Variants in AFF3 observed in about 807,000 individuals in gnomAD.
The protein encoded by AFF3 is AF4/FMR2 family member 3.
In AFF3, 32 loss-of-function variants were observed where a neutral mutation model predicts 129.7. That is an observed-to-expected ratio of 0.25 (90% confidence interval 0.19 to 0.33). The LOEUF (loss-of-function observed/expected upper bound fraction) is 0.33. AFF3 is among the 10% of genes least tolerant of loss of function. The probability of loss-of-function intolerance (pLI) is 1.00; values close to 1 mark genes in which losing one functional copy is unlikely to be tolerated. For missense variants in AFF3, 1,373 were observed against 1,592.0 expected, an observed-to-expected ratio of 0.86 and a Z score of 2.34; for synonymous variants, 644 against 635.4, an observed-to-expected ratio of 1.01 and a Z score of -0.20.
At chr2:99,896,192 C>T (rs1418599682) in intron 7 of AFF3, among the ~76,000 whole-genome samples, 2 of 149,810 alleles carry the variant, frequency 1.3e-5, no homozygotes, top group Admixed American at 1.3e-4. Context: ...GGATAAATAA[C>T]TAGGGAGGCC....
At chr2:99,701,848 C>CCACTGATCTGTTCTCCGTCT (rs1332095729) in intron 11 of AFF3, among the ~76,000 whole-genome samples, 1 of 152,250 alleles carries the variant, frequency 6.6e-6, no homozygotes, top group African/African-American at 2.4e-5. Flanking sequence ...CCACAGGTAA[C>CCACTGATCTGTTCTCCGTCT]CACTGATCTG....
At chr2:99,901,614 C>G (rs1694347837) in intron 7 of AFF3, among the ~76,000 whole-genome samples, 1 of 152,190 alleles carries the variant, frequency 6.6e-6, no homozygotes, top group South Asian at 2.1e-4. Flanking sequence ...CCTCATTTCA[C>G]CCCCATCCAA....
intron 13 of AFF3, among the ~76,000 whole-genome samples, chr2:99,606,726 A>C (rs1288383415): frequency 1.3e-5 from 2 of 151,868 alleles, no homozygotes; most frequent in Non-Finnish European, 2.9e-5. Flanking sequence ...CATCCTGGCT[A>C]ACATGGTGAA....
rs777661237 is a variant in AFF3 at position 99,752,213 on chromosome 2, G to A, written c.1002+8C>T. The A allele has an allele frequency of 1.1e-5, 18 of 1,605,982 alleles. No homozygotes were observed. The highest frequency in any genetic ancestry group is 1.4e-5 in the Non-Finnish European group (17 of 1,172,662). On this transcript the variant is annotated splice_region_variant and intron_variant, in intron 9 of 24. Transcript: ENST00000672756. ...AACATATTCCTCCTGAGGGATGCAA[G>A]ATCTCACCTTATTTGGAAATGGAAA...
chr2:99,650,972 G>A (rs1241431371), intron 12 of AFF3, among the ~76,000 whole-genome samples: 3 of 151,854 alleles, frequency 2.0e-5, no homozygotes, highest in African/African-American at 7.2e-5. Flanking sequence ...TCAGGAGTTC[G>A]AGACCAGCCT....
chr2:99,770,736 C>A (rs1683406508), intron 8 of AFF3, among the ~76,000 whole-genome samples: 1 of 152,004 alleles, frequency 6.6e-6, no homozygotes, highest in Admixed American at 6.5e-5. Flanking sequence ...CCCTTCAAGG[C>A]AGTGTCTCCT....
intron 8 of AFF3, among the ~76,000 whole-genome samples, chr2:99,818,488 A>G (rs113290449): frequency 1.3e-5 from 2 of 152,308 alleles, no homozygotes; most frequent in African/African-American, 2.4e-5. Flanking sequence ...TTAAACGTCT[A>G]TGTAAAGTCT....
rs537786908 is a variant in AFF3 at position 100,106,887 on chromosome 2, C to T, written c.-144-1304G>A. ...CCCAGAAAAGGAAAGAGGGAAGGCC[C>T]TGGGATGGTATAGAGCTGGTTGAGG... is the stretch of plus-strand genomic sequence containing the variant. On this transcript the variant is annotated intron_variant, in intron 2 of 24. Transcript: ENST00000672756. 1.3e-4 allele frequency: 127 copies of T among 985,446 alleles called. No homozygotes were observed. In the African/African-American group the frequency reaches 2.0e-3, roughly 16 times the overall value. The allele number at this position is 985,446 out of a possible 1,614,324, so 61.0% of individuals were successfully genotyped here.
At position 100,109,456 on chromosome 2, in the gene AFF3, A is replaced by G. The variant is rs201764907; in HGVS notation, c.-144-3873T>C. 5.0e-4 allele frequency among the ~76,000 whole-genome samples: 74 copies of G among 149,280 alleles called. 1 individual carries two copies. The East Asian group carries it at 0.013, about 26-fold the overall frequency. On this transcript the variant is annotated intron_variant, in intron 2 of 24. Coordinates refer to ENST00000672756, the MANE Select transcript of AFF3 (RefSeq NM_001386135.1). ...AGAAAAGCATCTCCTATCACAGATC[A>G]TGTATTTTATGCCATGCTGACCAAT... is the stretch of plus-strand genomic sequence containing the variant.
At chr2:99,998,388 T>C (rs886875001) in intron 7 of AFF3, among the ~76,000 whole-genome samples, 1 of 151,986 alleles carries the variant, frequency 6.6e-6, no homozygotes, top group Non-Finnish European at 1.5e-5. Flanking sequence ...TTTCAGCATG[T>C]AGCAGCATGA....
intron 10 of AFF3, among the ~76,000 whole-genome samples, chr2:99,732,422 C>T (rs1424528891): frequency 2.7e-5 from 4 of 150,124 alleles, no homozygotes; most frequent in East Asian, 1.9e-4. Flanking sequence ...TCTTTTTAAC[C>T]GCCTATGTAT....
chr2:99,777,947 C>CAAAAAAAAAAAAAAAAAAAAAAAAAAAA (rs576434643), intron 8 of AFF3, among the ~76,000 whole-genome samples: 2 of 48,340 alleles, frequency 4.1e-5, no homozygotes, highest in Non-Finnish European at 7.6e-5. Context: ...AAAGCAAAAG[C>CAAAAAAAAAAAAAAAAAAAAAAAAAAAA]AAAAAAAAAA....
intron 7 of AFF3, among the ~76,000 whole-genome samples, chr2:99,872,578 C>CA (rs1271277769): frequency 7.0e-6 from 1 of 143,006 alleles, no homozygotes; most frequent in Non-Finnish European, 1.5e-5. Context: ...AAGTCCTATG[C>CA]AAAAATGCTT....
chr2:100,134,768 T>G (rs1692563607), intron 1 of AFF3, among the ~76,000 whole-genome samples: 2 of 152,238 alleles, frequency 1.3e-5, no homozygotes, highest in African/African-American at 4.8e-5. Context: ...AATCGTTCAT[T>G]TATTCAGTAA....
intron 12 of AFF3, among the ~76,000 whole-genome samples, chr2:99,671,646 C>T (rs780873411): frequency 2.0e-5 from 3 of 152,090 alleles, no homozygotes; most frequent in South Asian, 4.1e-4. Flanking sequence ...TATTCCAAAA[C>T]CAACAGAACA....
At chr2:100,015,862 A>AGTGGTG (rs1289124537) in intron 4 of AFF3, among the ~76,000 whole-genome samples, 3 of 123,960 alleles carry the variant, frequency 2.4e-5, no homozygotes, top group Non-Finnish European at 6.1e-5. Context: ...TGGTGGTGAT[A>AGTGGTG]GTGGTGGTGG....
intron 3 of AFF3, chr2:100,104,795 T>TGCAGCC (rs1394663255): frequency 5.5e-6 from 4 of 721,752 alleles, no homozygotes; most frequent in South Asian, 6.6e-5. Context: ...GGCCCGCTGC[T>TGCAGCC]GCAGCCGCCG....
At chr2:99,935,408 T>C (rs1208620781) in intron 7 of AFF3, among the ~76,000 whole-genome samples, 1 of 152,374 alleles carries the variant, frequency 6.6e-6, no homozygotes, top group Admixed American at 6.5e-5. Context: ...ATAAGCACTT[T>C]ATAACTCTTT....
At chr2:99,915,641 AAATT>A (rs1389604371) in intron 7 of AFF3, among the ~76,000 whole-genome samples, 2 of 152,308 alleles carry the variant, frequency 1.3e-5, no homozygotes, top group East Asian at 3.9e-4. Flanking sequence ...TTTAATTATT[AAATT>A]AATTAATCCC....
Sources: gnomAD v4.1 joint callset for allele counts (sites outside exome capture counted in the v4.1 genomes callset) on GRCh38, gnomAD v4.1.1 for gene constraint, MANE v1.5 for transcripts, NCBI Gene and HGNC (gene_info 2026-07-23, HGNC 2026-07-21) for gene names.